ATP9B: variants seen among roughly 807,000 people sequenced by gnomAD.
The protein encoded by ATP9B is probable phospholipid-transporting ATPase IIB.
In ATP9B, 110 loss-of-function variants were observed where a neutral mutation model predicts 146.1. The ratio of observed to expected loss-of-function variants is 0.75; its 90% CI spans 0.65 to 0.88. The LOEUF (loss-of-function observed/expected upper bound fraction) is 0.88, where lower values mean the gene tolerates loss of function less well. Ranked by LOEUF, ATP9B falls within the 40% of genes least tolerant of loss-of-function variation. The pLI is 0.00. For missense variants in ATP9B, 1,499 were observed against 1,496.4 expected, an observed-to-expected ratio of 1.00 and a Z score of -0.03; for synonymous variants, 604 against 569.7, an observed-to-expected ratio of 1.06 and a Z score of -0.86.
rs559167829 is a variant in ATP9B at position 79,340,417 on chromosome 18, C to T, written c.2284-1851C>T. The T allele has an allele frequency of 3.9e-5, 6 of 152,246 alleles. No homozygotes were observed. The South Asian group carries it at 1.0e-3, about 26-fold the overall frequency. The allele number at this position is 152,246 out of a possible 1,614,324, so 9.4% of individuals were successfully genotyped here. The stretch of plus-strand genomic sequence containing the variant: ...AGTGCTAGTTCTTCTTCAACTTTGT[C>T]ATGATGATGTGTCATACTCTTAGGT... On this transcript the variant is annotated intron_variant, in intron 19 of 29. Transcript: ENST00000426216.
At chr18:79,215,355 G>C (rs2095618118) in intron 11 of ATP9B, among the ~76,000 whole-genome samples, 1 of 152,088 alleles carries the variant, frequency 6.6e-6, no homozygotes, top group East Asian at 1.9e-4. Flanking sequence ...AACGCCCTTA[G>C]CTGTGCACAC....
rs184013172 is a variant in ATP9B, at chr18:79,360,415, G to C, written c.3012+953G>C. 3.9e-5 allele frequency: 6 copies of C among 151,922 alleles called. No homozygotes were observed. The East Asian group carries it at 1.2e-3, about 29-fold the overall frequency. The allele number at this position is 151,922 out of a possible 1,614,324, so 9.4% of individuals were successfully genotyped here. Reference sequence around the variant, plus strand: ...ATGACTACCTAGCAAACAGATTCTAGTCCAGCTAACCACTAATTAACCAAC... The same window carrying C: ...ATGACTACCTAGCAAACAGATTCTACTCCAGCTAACCACTAATTAACCAAC... On this transcript the variant is annotated intron_variant, in intron 26 of 29. Transcript: ENST00000426216.
intron 11 of ATP9B, among the ~76,000 whole-genome samples, chr18:79,217,020 T>G (rs2095633154): frequency 6.6e-6 from 1 of 152,192 alleles, no homozygotes; most frequent in South Asian, 2.1e-4. Flanking sequence ...TATTATGTCT[T>G]GAATCCACAC....
chr18:79,169,488 TCA>T (rs991504371), intron 7 of ATP9B, among the ~76,000 whole-genome samples: 4 of 152,204 alleles, frequency 2.6e-5, no homozygotes, highest in Non-Finnish European at 4.4e-5. Context: ...CCGTGAGTCT[TCA>T]CACAGAGTTT....
At chr18:79,286,197 A>G (rs1599614672) in intron 13 of ATP9B, among the ~76,000 whole-genome samples, 1 of 151,830 alleles carries the variant, frequency 6.6e-6, no homozygotes, top group Admixed American at 6.6e-5. Flanking sequence ...GAATCTATAA[A>G]TTACCTTGGG....
chr18:79,114,223 G>A (rs1341770245), intron 4 of ATP9B, among the ~76,000 whole-genome samples: 1 of 152,178 alleles, frequency 6.6e-6, no homozygotes, highest in East Asian at 1.9e-4. Flanking sequence ...GCCTCCCAAA[G>A]TGCTGGGATT....
intron 1 of ATP9B, among the ~76,000 whole-genome samples, chr18:79,093,528 C>G (rs2074525510): frequency 6.6e-6 from 1 of 152,178 alleles, no homozygotes; most frequent in African/African-American, 2.4e-5. Context: ...ATGTAGGTAT[C>G]TTTGACTTCA....
At chr18:79,196,436 T>C (rs903309166) in intron 9 of ATP9B, among the ~76,000 whole-genome samples, 5 of 152,156 alleles carry the variant, frequency 3.3e-5, no homozygotes, top group Non-Finnish European at 4.4e-5. Context: ...TTTATACGCT[T>C]CCTCTAATAA....
chr18:79,355,972 C>T (rs913750962), intron 25 of ATP9B, among the ~76,000 whole-genome samples: 2 of 152,172 alleles, frequency 1.3e-5, no homozygotes, highest in African/African-American at 4.8e-5. Flanking sequence ...CAGCCAGTGA[C>T]GGCCGCTTCC....
At chr18:79,326,783 G>A (rs556745535) in intron 15 of ATP9B, among the ~76,000 whole-genome samples, 119 of 152,338 alleles carry the variant, frequency 7.8e-4, no homozygotes, top group African/African-American at 2.9e-3. Flanking sequence ...GTAGTTCCTG[G>A]TCTGCCCACG....
chr18:79,273,217 A>G (rs1052896276), intron 12 of ATP9B, among the ~76,000 whole-genome samples: 2 of 152,212 alleles, frequency 1.3e-5, no homozygotes, highest in African/African-American at 4.8e-5. Flanking sequence ...AATCTAAGAT[A>G]TCTCATAGGA....
At chr18:79,231,202 A>C (rs2095788289) in intron 11 of ATP9B, among the ~76,000 whole-genome samples, 1 of 152,204 alleles carries the variant, frequency 6.6e-6, no homozygotes, top group Admixed American at 6.5e-5. Flanking sequence ...CAGCAGAGTA[A>C]ATAGACAACC....
At chr18:79,315,552 T>C (rs1328949915) in intron 15 of ATP9B, among the ~76,000 whole-genome samples, 1 of 152,252 alleles carries the variant, frequency 6.6e-6, no homozygotes, top group Non-Finnish European at 1.5e-5. Flanking sequence ...AGAAAATGTA[T>C]ATTTTTACAG....
At chr18:79,276,893 A>G (rs995762065) in intron 12 of ATP9B, among the ~76,000 whole-genome samples, 161 bp from the exon 13 acceptor site, 3 of 152,220 alleles carry the variant, frequency 2.0e-5, no homozygotes, top group Admixed American at 6.5e-5. Context: ...TCTGGATCAC[A>G]TTAACCACTG....
At chr18:79,247,488 C>G (rs140906658) in intron 11 of ATP9B, among the ~76,000 whole-genome samples, 1 of 152,130 alleles carries the variant, frequency 6.6e-6, no homozygotes, top group African/African-American at 2.4e-5. Flanking sequence ...TCATGAAGCC[C>G]CCTTCAAACT....
In ATP9B at chr18:79,376,214, C is replaced by CACACACACACAAAAAA; in HGVS notation, c.3307+789_3307+790insCACACACACAAAAAAA. 6,602 of 864,628 alleles carry CACACACACACAAAAAA rather than the reference C, an allele frequency of 7.6e-3. 199 individuals are homozygous for CACACACACACAAAAAA. Among genetic ancestry groups the CACACACACACAAAAAA allele is most frequent in the Admixed American group, 0.038 (465 of 12,346 alleles). 53.6% of individuals were successfully genotyped at this position (864,628 alleles called of 1,614,324 possible). ...ACACACACACACACACACACACACA[C>CACACACACACAAAAAA]AAAACAAAACAAAAAAATGGCTAGC... On this transcript the variant is annotated intron_variant, in intron 29 of 29. Transcript: ENST00000426216.
At chr18:79,247,122 T>C (rs1307066137) in intron 11 of ATP9B, among the ~76,000 whole-genome samples, 1 of 152,172 alleles carries the variant, frequency 6.6e-6, no homozygotes, top group Non-Finnish European at 1.5e-5. Flanking sequence ...AAAATAAAAG[T>C]TTTAACTTAC....
At chr18:79,184,711 G>A (rs1202027452) in intron 8 of ATP9B, among the ~76,000 whole-genome samples, 1 of 151,918 alleles carries the variant, frequency 6.6e-6, no homozygotes. Flanking sequence ...TTTTTCTTGT[G>A]TACATACTCA....
At chr18:79,227,537 G>C (rs558118749) in intron 11 of ATP9B, among the ~76,000 whole-genome samples, 1 of 152,162 alleles carries the variant, frequency 6.6e-6, no homozygotes, top group Admixed American at 6.5e-5. Flanking sequence ...GTGGATGGAT[G>C]ATGAGTCCAG....
Sources: gnomAD v4.1 joint callset for allele counts (sites outside exome capture counted in the v4.1 genomes callset) on GRCh38, gnomAD v4.1.1 for gene constraint, MANE v1.5 for transcripts, NCBI Gene and HGNC (gene_info 2026-07-23, HGNC 2026-07-21) for gene names.